The following WBP1L variants were observed in gnomAD, a reference collection of about 807,000 sequenced individuals.
WBP1L encodes the protein WW domain binding protein 1-like.
Under a neutral mutation model 33.7 loss-of-function variants are expected in WBP1L, and 17 were observed. That is an observed-to-expected ratio of 0.50 (90% CI 0.34 to 0.76). The LOEUF is 0.76. Ranked by LOEUF, WBP1L falls within the 30% of genes least tolerant of loss-of-function variation. WBP1L has a pLI of 0.01. For synonymous variants in WBP1L, 173 were observed against 190.8 expected (o/e 0.91, Z 0.77); for missense variants, 389 against 469.4 (o/e 0.83, Z 1.58).
Position 102,744,040 on chromosome 10 carries a change from G to A in WBP1L, c.-14G>A. 6.5e-7 allele frequency: 1 copy of A among 1,544,070 alleles called. No homozygotes were observed. Among genetic ancestry groups the A allele is most frequent in the Non-Finnish European group, 8.8e-7 (1 of 1,141,918 alleles). On this transcript the variant is annotated 5_prime_UTR_variant, in exon 1 of 4. Coordinates refer to ENST00000448841, the MANE Select transcript of WBP1L (RefSeq NM_001083913.2). ...GTGGCGGCGCCGTGGCGGAGGAGCA[G>A]GAGCAGGAGGGGGATGGAGAGGAGA...
chr10:102,761,615 C>T (rs562127899), intron 1 of WBP1L, among the ~76,000 whole-genome samples: 1 of 152,236 alleles, frequency 6.6e-6, no homozygotes, highest in Admixed American at 6.5e-5. Flanking sequence ...TTCCACCATG[C>T]CCAGCTAATT....
chr10:102,794,196 C>G (rs962509520), intron 1 of WBP1L, among the ~76,000 whole-genome samples: 2 of 152,136 alleles, frequency 1.3e-5, no homozygotes, highest in African/African-American at 4.8e-5. Context: ...GGCAGCATTT[C>G]CACACCACTG....
intron 2 of WBP1L, among the ~76,000 whole-genome samples, chr10:102,801,002 A>G (rs572213209): frequency 2.6e-5 from 4 of 152,252 alleles, no homozygotes; most frequent in African/African-American, 7.2e-5. Flanking sequence ...CTTTACCTCT[A>G]CTAAACTGCA....
chr10:102,744,130 C>G lies in WBP1L; in HGVS notation c.77C>G (p.Ala26Gly), dbSNP rs1229209088. The G allele has an allele frequency of 6.4e-7, 1 of 1,551,416 alleles. No individual in the cohort carries two copies. Among genetic ancestry groups the G allele is most frequent in the Non-Finnish European group, 8.7e-7 (1 of 1,147,258 alleles). Residue 26 changes from alanine (A) to glycine (G), a missense_variant, in exon 1 of 4, where the codon GCT becomes GGT. By Grantham distance (60) the Ala-to-Gly change is moderately conservative. Coordinates refer to ENST00000448841, the MANE Select transcript of WBP1L (RefSeq NM_001083913.2). ...QALPSPLSARAEPPQDKEACV... is the reference protein window; with the variant it reads ...QALPSPLSARGEPPQDKEACV... Reference sequence around the variant, plus strand: ...CTGCCCAGCCCCTTGTCAGCCAGGGCTGAACCCCCGCAGGTAAGGGGGAGG... The same window carrying G: ...CTGCCCAGCCCCTTGTCAGCCAGGGGTGAACCCCCGCAGGTAAGGGGGAGG...
At chr10:102,772,332 C>G (rs1277556959) in intron 1 of WBP1L, among the ~76,000 whole-genome samples, 1 of 139,072 alleles carries the variant, frequency 7.2e-6, no homozygotes, top group Non-Finnish European at 1.5e-5. Flanking sequence ...ATGATCTCAG[C>G]TCACTGCAGC....
chr10:102,747,990 C>G (rs1842884399), intron 1 of WBP1L, among the ~76,000 whole-genome samples: 1 of 152,024 alleles, frequency 6.6e-6, no homozygotes, highest in South Asian at 2.1e-4. Context: ...GGCACGGTGG[C>G]TCACACCTGT....
At chr10:102,783,486 C>A (rs1843366191) in intron 1 of WBP1L, among the ~76,000 whole-genome samples, 1 of 152,180 alleles carries the variant, frequency 6.6e-6, no homozygotes, top group Admixed American at 6.5e-5. Flanking sequence ...GACATCAGTC[C>A]TGCCCACGGG....
At chr10:102,755,593 A>G (rs953209548) in intron 1 of WBP1L, among the ~76,000 whole-genome samples, 4 of 151,284 alleles carry the variant, frequency 2.6e-5, no homozygotes, top group Non-Finnish European at 5.9e-5. Context: ...GGATTTCACC[A>G]TGTTGGCCAG....
chr10:102,748,529 C>T (rs575021465), intron 1 of WBP1L, among the ~76,000 whole-genome samples: 40 of 152,306 alleles, frequency 2.6e-4, no homozygotes, highest in Non-Finnish European at 2.9e-4. Flanking sequence ...CTGCTTAGTG[C>T]GTTTGATGTA....
chr10:102,779,646 A>G (rs1843311446), intron 1 of WBP1L, among the ~76,000 whole-genome samples: 1 of 152,116 alleles, frequency 6.6e-6, no homozygotes, highest in Non-Finnish European at 1.5e-5. Flanking sequence ...GCCCCAGAAT[A>G]TGCATTTCTG....
At chr10:102,782,708 C>T (rs1242008021) in intron 1 of WBP1L, among the ~76,000 whole-genome samples, 2 of 152,098 alleles carry the variant, frequency 1.3e-5, no homozygotes. Context: ...CCCCAGACCT[C>T]ACAAGAGGCT....
At chr10:102,776,326 A>G in intron 1 of WBP1L, 1 of 1,613,592 alleles carries the variant, frequency 6.2e-7, no homozygotes, top group Non-Finnish European at 8.5e-7. Flanking sequence ...GGCAATGCTC[A>G]TTCCAAGACC....
At chr10:102,766,608 G>A (rs1843114301) in intron 1 of WBP1L, among the ~76,000 whole-genome samples, 1 of 151,874 alleles carries the variant, frequency 6.6e-6, no homozygotes, top group Admixed American at 6.6e-5. Flanking sequence ...GGGTGACAGA[G>A]CAAGATCCTG....
chr10:102,808,287 TG>T (rs1843767329), intron 2 of WBP1L, among the ~76,000 whole-genome samples: 1 of 152,246 alleles, frequency 6.6e-6, no homozygotes, highest in Non-Finnish European at 1.5e-5. Context: ...TCATTATTTT[TG>T]TTTTCCTTTC....
In WBP1L at chr10:102,813,650, G is replaced by A; in HGVS notation, c.*319G>A. On this transcript the variant is annotated 3_prime_UTR_variant, in exon 4 of 4. Coordinates refer to ENST00000448841, the MANE Select transcript of WBP1L (RefSeq NM_001083913.2). Reference sequence around the variant, plus strand: ...TGGGTCAGAGAGATGTGTTTTAAAAGCCCCCAAGGAAGGAGGCTGGGACTG... The same window carrying A: ...TGGGTCAGAGAGATGTGTTTTAAAAACCCCCAAGGAAGGAGGCTGGGACTG... 1 of 355,388 alleles carries A rather than the reference G, an allele frequency of 2.8e-6. No homozygotes were observed. The highest frequency in any genetic ancestry group is 5.2e-5 in the South Asian group (1 of 19,400). The allele number at this position is 355,388 out of a possible 1,614,324, so 22.0% of individuals were successfully genotyped here.
chr10:102,763,620 GGAA>G (rs1369220118), intron 1 of WBP1L, among the ~76,000 whole-genome samples: 8 of 152,122 alleles, frequency 5.3e-5, no homozygotes, highest in Non-Finnish European at 1.2e-4. Context: ...GAGTCCCATG[GGAA>G]GACCTCTGTC....
At chr10:102,807,470 G>T (rs909144095) in intron 2 of WBP1L, among the ~76,000 whole-genome samples, 1 of 152,056 alleles carries the variant, frequency 6.6e-6, no homozygotes, top group Non-Finnish European at 1.5e-5. Flanking sequence ...CTCCCCTCCT[G>T]GGTTCAAGCG....
chr10:102,781,011 C>T (rs1373820776), intron 1 of WBP1L, among the ~76,000 whole-genome samples: 3 of 152,198 alleles, frequency 2.0e-5, no homozygotes, highest in African/African-American at 4.8e-5. Context: ...CATCAAAGCC[C>T]TCTTAGGGTC....
At chr10:102,769,853 T>C (rs142093276) in intron 1 of WBP1L, among the ~76,000 whole-genome samples, 1,591 of 152,334 alleles carry the variant, frequency 0.01, 19 homozygotes, top group Admixed American at 0.034. Context: ...CCTAACTCTC[T>C]TTCCTGAAAG....
Sources: gnomAD v4.1 joint callset for allele counts (sites outside exome capture counted in the v4.1 genomes callset) on GRCh38, gnomAD v4.1.1 for gene constraint, MANE v1.5 for transcripts, NCBI Gene and HGNC (gene_info 2026-07-23, HGNC 2026-07-21) for gene names.